The following MYL12A variants were observed in gnomAD, a reference collection of about 807,000 sequenced individuals.
MYL12A encodes myosin regulatory light chain 12A.
In MYL12A, 11 loss-of-function variants were observed where a neutral mutation model predicts 13.3. The observed-to-expected ratio is 0.83, with a 90% confidence interval of 0.52 to 1.37. The LOEUF is 1.37. Ranked by LOEUF, MYL12A falls within the 40% of genes most tolerant of loss-of-function variation. MYL12A has a pLI of 0.00. For missense variants in MYL12A, 146 were observed against 212.3 expected (o/e 0.69, Z 1.94); for synonymous variants, 51 against 69.9 (o/e 0.73, Z 1.35).
chr18:3,248,905 G>A (rs1297507192), intron 1 of MYL12A, among the ~76,000 whole-genome samples: 1 of 151,022 alleles, frequency 6.6e-6, no homozygotes, highest in East Asian at 1.9e-4. Flanking sequence ...GTTAGCACCA[G>A]AAAATAAGTT....
intron 1 of MYL12A, chr18:3,252,268 T>G: frequency 7.0e-7 from 1 of 1,436,348 alleles, no homozygotes. Flanking sequence ...TGCAGTGTCT[T>G]ACTTTTGCTG....
intron 1 of MYL12A, among the ~76,000 whole-genome samples, chr18:3,249,090 C>T (rs1340249603): frequency 1.3e-5 from 2 of 152,064 alleles, no homozygotes; most frequent in Non-Finnish European, 2.9e-5. Flanking sequence ...TTTGAGTGTT[C>T]GTTTTGTAGA....
chr18:3,249,799 T>G (rs934121932), intron 1 of MYL12A: 1 of 152,076 alleles, frequency 6.6e-6, no homozygotes, highest in Non-Finnish European at 1.5e-5. Flanking sequence ...TCCCAGCTAC[T>G]CCAGAGGCTG....
Position 3,255,839 on chromosome 18 carries a change from C to T in MYL12A, c.437C>T (p.Pro146Leu), listed in dbSNP as rs140368397. The T allele has an allele frequency of 3.0e-5, 49 of 1,614,072 alleles. No homozygotes were observed. The East Asian group carries it at 5.1e-4, about 17-fold the overall frequency. Residue 146 changes from proline to leucine, a missense_variant, in exon 4 of 4, where the codon CCT becomes CTT. Transcript: ENST00000217652. ...GTGGATGAGCTGTACAGAGAAGCAC[C>T]TATTGATAAAAAGGGGAATTTCAAT... is the stretch of plus-strand genomic sequence containing the variant. ...EEVDELYREA[P>L]IDKKGNFNYI...
intron 1 of MYL12A, among the ~76,000 whole-genome samples, chr18:3,251,855 T>C (rs1598796889): frequency 1.3e-5 from 2 of 152,124 alleles, no homozygotes; most frequent in East Asian, 3.9e-4. Context: ...CCAGTTGCCA[T>C]ACGGTGCTGT....
At chr18:3,251,330 A>AT (rs5822749) in intron 1 of MYL12A, among the ~76,000 whole-genome samples, 22,763 of 152,128 alleles carry the variant, frequency 0.15, 1,807 homozygotes, top group East Asian at 0.26. Context: ...GAGATTTTAT[A>AT]TAATAGATTA....
At chr18:3,255,725 C>T (rs752389772) in intron 3 of MYL12A, 21 bp from the exon 4 acceptor site, 4 of 1,607,102 alleles carry the variant, frequency 2.5e-6, no homozygotes, top group South Asian at 1.1e-5. Flanking sequence ...GTATTCTGAT[C>T]CCTTGTTCTT....
intron 1 of MYL12A, chr18:3,252,290 T>G: frequency 6.5e-7 from 1 of 1,528,074 alleles, no homozygotes. Flanking sequence ...TGAGCGGTTT[T>G]GCAGACTACC....
At chr18:3,249,873 G>A (rs946583892) in intron 1 of MYL12A, 1 of 151,788 alleles carries the variant, frequency 6.6e-6, no homozygotes, top group African/African-American at 2.4e-5. Context: ...CTCCACCCTG[G>A]GCGACAGAGC....
intron 3 of MYL12A, among the ~76,000 whole-genome samples, chr18:3,255,276 C>T (rs979911087): frequency 7.2e-5 from 11 of 152,166 alleles, no homozygotes; most frequent in Admixed American, 2.0e-4. Context: ...AATAAAATAG[C>T]TTCTTAAAAC....
rs2081504659 is a variant in MYL12A at position 3,253,263 on chromosome 18, A to G, written c.16A>G (p.Thr6Ala). 6.2e-7 allele frequency: 1 copy of G among 1,613,554 alleles called. No homozygotes were observed. Among genetic ancestry groups the G allele is most frequent in the Non-Finnish European group, 8.5e-7 (1 of 1,179,676 alleles). The change falls in exon 2 of 4, where the codon ACA (threonine) becomes GCA (alanine). Residue 6 changes from threonine (T) to alanine (A), a missense_variant. Physicochemically the swap from Thr to Ala is moderately conservative, Grantham distance 58 (BLOSUM62 0). Coordinates refer to ENST00000217652, the MANE Select transcript of MYL12A (RefSeq NM_006471.4). MSSKR[T>A]KTKTKKRPQR... Reference sequence around the variant, plus strand: ...AACCACCACCATGTCGAGCAAAAGAACAAAGACCAAGACCAAGAAGCGCCC... The same window carrying G: ...AACCACCACCATGTCGAGCAAAAGAGCAAAGACCAAGACCAAGAAGCGCCC...
intron 1 of MYL12A, among the ~76,000 whole-genome samples, chr18:3,250,239 T>C (rs2081471831): frequency 6.6e-6 from 1 of 152,248 alleles, no homozygotes; most frequent in African/African-American, 2.4e-5. Context: ...ATTTCAACTT[T>C]TTTAGATTAA....
At chr18:3,255,277 T>G (rs915828352) in intron 3 of MYL12A, among the ~76,000 whole-genome samples, 4 of 152,208 alleles carry the variant, frequency 2.6e-5, no homozygotes, top group African/African-American at 7.2e-5. Context: ...ATAAAATAGC[T>G]TCTTAAAACT....
intron 1 of MYL12A, among the ~76,000 whole-genome samples, chr18:3,251,075 T>A (rs1225018162): frequency 6.6e-6 from 1 of 151,812 alleles, no homozygotes; most frequent in African/African-American, 2.4e-5. Context: ...CATAATAAAA[T>A]TGATAAGATT....
chr18:3,252,529 T>G (rs187834865), intron 1 of MYL12A: 2 of 1,169,218 alleles, frequency 1.7e-6, no homozygotes, highest in South Asian at 2.1e-5. Context: ...TTTCTAAAAC[T>G]TTTAAAATTA....
intron 1 of MYL12A, chr18:3,252,315 T>G: frequency 1.3e-6 from 2 of 1,533,590 alleles, no homozygotes; most frequent in South Asian, 1.2e-5. Context: ...TCCCTGCAAC[T>G]CTGAAGGATG....
chr18:3,254,152 C>T (rs1289145061), intron 3 of MYL12A, 102 bp downstream of exon 3: 1 of 1,319,856 alleles, frequency 7.6e-7, no homozygotes, highest in Non-Finnish European at 1.0e-6. Flanking sequence ...CAGGTTTGTA[C>T]TACACCTATT....
chr18:3,253,750 C>T, intron 2 of MYL12A, 139 bp from the exon 3 acceptor site: 2 of 982,624 alleles, frequency 2.0e-6, no homozygotes, highest in Non-Finnish European at 3.0e-6. Flanking sequence ...GAAAACTTTC[C>T]CCCCAAATAG....
rs2081444950 is a variant in MYL12A at position 3,247,883 on chromosome 18, G to A, written c.-42G>A. 1 of 152,224 alleles carries A rather than the reference G, an allele frequency of 6.6e-6. No homozygotes were observed. Among genetic ancestry groups the A allele is most frequent in the African/African-American group, 2.4e-5 (1 of 41,438 alleles). The allele number at this position is 152,224 out of a possible 1,614,324, so 9.4% of individuals were successfully genotyped here. A position where few individuals can be genotyped will look rare whatever the true frequency, so the allele number is the denominator to read the frequency against. ...TAGCGGCAGCGAGGGGCTCGGAGAG[G>A]TGCTCGGATTCTCGTAGCTGTGCCG... On this transcript the variant is annotated 5_prime_UTR_variant, in exon 1 of 4. It adds an upstream start codon to the 5' untranslated region. Coordinates refer to ENST00000217652, the MANE Select transcript of MYL12A (RefSeq NM_006471.4).
Sources: gnomAD v4.1 joint callset for allele counts (sites outside exome capture counted in the v4.1 genomes callset) on GRCh38, gnomAD v4.1.1 for gene constraint, MANE v1.5 for transcripts, NCBI Gene and HGNC (gene_info 2026-07-23, HGNC 2026-07-21) for gene names.